The following AASS variants were observed in gnomAD, a reference collection of about 807,000 sequenced individuals.
AASS encodes aminoadipate-semialdehyde synthase.
A neutral mutation model predicts 105.4 loss-of-function variants in AASS; 86 were observed. That is an observed-to-expected ratio of 0.82 (90% CI 0.69 to 0.98). The LOEUF (loss-of-function observed/expected upper bound fraction) is 0.98, where lower values mean the gene tolerates loss of function less well. Ranked by LOEUF, AASS falls within the 50% of genes least tolerant of loss-of-function variation. The probability of loss-of-function intolerance (pLI) is 0.00; values close to 1 mark genes in which losing one functional copy is unlikely to be tolerated. For synonymous variants in AASS, 381 were observed against 394.8 expected (o/e 0.96, Z 0.41); for missense variants, 1,048 against 1,143.2 (o/e 0.92, Z 1.20).
rs1258728484 is a variant in AASS, at chr7:122,092,858, C to A, written c.1860G>T (p.Lys620Asn). The change falls in exon 17 of 24, where the codon AAG becomes AAT. Residue 620 changes from lysine (K) to asparagine (N), a missense_variant. Transcript: ENST00000417368. The stretch of plus-strand genomic sequence containing the variant: ...TTGGGCTCACCGTGGCTCCCACTTC[C>A]TTGGCTTTATCTATTGTTTCCATTG... Reference protein sequence around the residue: ...MLAMETIDKAKEVGATIESYI... With the variant: ...MLAMETIDKANEVGATIESYI... The A allele has an allele frequency of 6.2e-7, 1 of 1,613,900 alleles. No homozygotes were observed.
At chr7:122,104,105 G>A (rs774085049) in intron 11 of AASS, among the ~76,000 whole-genome samples, 2 of 151,946 alleles carry the variant, frequency 1.3e-5, no homozygotes, top group Non-Finnish European at 2.9e-5. Context: ...TAAGTCCTTG[G>A]CATATCAATA....
chr7:122,099,032 C>T (rs569420235), intron 13 of AASS, among the ~76,000 whole-genome samples, 166 bp from the exon 14 acceptor site: 5 of 151,622 alleles, frequency 3.3e-5, no homozygotes, highest in Non-Finnish European at 7.4e-5. Flanking sequence ...AATGAGTTCC[C>T]TATAACAACA....
At position 122,093,096 on chromosome 7, in the gene AASS, A is replaced by C; in HGVS notation, c.1718T>G (p.Met573Arg). 1 of 1,613,990 alleles carries C rather than the reference A, an allele frequency of 6.2e-7. No individual in the cohort carries two copies. The highest frequency in any genetic ancestry group is 1.1e-5 in the South Asian group (1 of 91,078). Residue 573 changes from methionine to arginine, a missense_variant, in exon 16 of 24, where the codon ATG becomes AGG. Physicochemically the swap from Met to Arg is moderately conservative, Grantham distance 91. Coordinates refer to ENST00000417368, the MANE Select transcript of AASS (RefSeq NM_005763.4). ...TGGTGTGATGTAGCTTGCAGTGACC[A>C]TGTTAACTTTGTTTGTGATGCAGGC... ...AKACITNKVN[M>R]VTASYITPAL... is the part of the protein sequence containing the mutation.
At chr7:122,117,080 G>C (rs531576041) in intron 6 of AASS, 123 bp from the exon 7 acceptor site, 1 of 853,384 alleles carries the variant, frequency 1.2e-6, no homozygotes, top group Non-Finnish European at 1.9e-6. Flanking sequence ...CTACAACCAG[G>C]ACTGCAACAC....
At position 122,098,559 on chromosome 7, in the gene AASS, G is replaced by T; in HGVS notation, c.1546C>A (p.Gln516Lys). The change falls in exon 15 of 24, where the codon CAA becomes AAA. Residue 516 changes from glutamine (Q) to lysine (K), a missense_variant. By Grantham distance (53) the Gln-to-Lys change is moderately conservative. Transcript: ENST00000417368. The stretch of plus-strand genomic sequence containing the variant: ...TATTTCTTGCCTAACTGTTCAATTT[G>T]ATTCTTCATGTCAGATCCTATTTCA... ...EITVGSDMKN[Q>K]IEQLGKKYNI... 2 of 1,608,698 alleles carry T rather than the reference G, an allele frequency of 1.2e-6. No individual in the cohort carries two copies. Among genetic ancestry groups the T allele is most frequent in the South Asian group, 1.1e-5 (1 of 90,852 alleles).
chr7:122,140,485 CAAAAAA>C (rs57828681), intron 1 of AASS, among the ~76,000 whole-genome samples: 11 of 37,336 alleles, frequency 2.9e-4, no homozygotes, highest in Admixed American at 7.7e-4. Flanking sequence ...GACTCAGTCT[CAAAAAA>C]AAAAAAAAAA....
chr7:122,109,328 A>G (rs567427032), intron 11 of AASS, among the ~76,000 whole-genome samples: 1 of 151,976 alleles, frequency 6.6e-6, no homozygotes, highest in African/African-American at 2.4e-5. Context: ...ATCACAAAAG[A>G]CCCCAAATCG....
intron 6 of AASS, 83 bp downstream of exon 6, chr7:122,118,224 A>C: frequency 7.3e-6 from 11 of 1,498,012 alleles, no homozygotes; most frequent in Non-Finnish European, 1.0e-5. Flanking sequence ...CATTTGAAAT[A>C]CCCACAAAAT....
chr7:122,113,824 A>G, intron 9 of AASS, 104 bp from the exon 10 acceptor site: 3 of 1,321,364 alleles, frequency 2.3e-6, no homozygotes, highest in Admixed American at 3.8e-5. Flanking sequence ...GATCCCAAAT[A>G]TTTTCCAGGC....
At chr7:122,112,981 G>GT in intron 11 of AASS, 137 bp downstream of exon 11, 1 of 740,036 alleles carries the variant, frequency 1.4e-6, no homozygotes. Flanking sequence ...AATAGTATCA[G>GT]TAAGTATTTC....
At chr7:122,117,262 T>C (rs1008121594) in intron 6 of AASS, among the ~76,000 whole-genome samples, 11 of 152,226 alleles carry the variant, frequency 7.2e-5, no homozygotes, top group Non-Finnish European at 1.6e-4. Context: ...TTAGATCCAT[T>C]GCAGAAATTA....
chr7:122,118,677 T>C (rs1247215848), intron 4 of AASS, 47 bp from the exon 5 acceptor site: 1 of 1,585,188 alleles, frequency 6.3e-7, no homozygotes, highest in South Asian at 1.1e-5. Context: ...TGGGAAGAAT[T>C]TAAGCTGTTC....
At chr7:122,131,602 C>T (rs1371153606) in intron 2 of AASS, among the ~76,000 whole-genome samples, 4 of 151,870 alleles carry the variant, frequency 2.6e-5, no homozygotes, top group Non-Finnish European at 4.4e-5. Context: ...TCAGTATTAA[C>T]TCATGATTAA....
chr7:122,101,564 A>C, intron 12 of AASS, 57 bp downstream of exon 12: 1 of 1,520,148 alleles, frequency 6.6e-7, no homozygotes, highest in Admixed American at 1.7e-5. Flanking sequence ...GAGAGAAGAG[A>C]GCAAAAATGG....
In AASS at chr7:122,116,968, C is replaced by T. The variant is rs1795211849; in HGVS notation, c.688-11G>A. On this transcript the variant is annotated splice_polypyrimidine_tract_variant and intron_variant, in intron 6 of 23. Transcript: ENST00000417368. Reference sequence around the variant, plus strand: ...GATTGCTTGGGCTCCCTACAAATAACACATGAGTAAAAATCCAAAAATCAA... The same window carrying T: ...GATTGCTTGGGCTCCCTACAAATAATACATGAGTAAAAATCCAAAAATCAA... 6.2e-7 allele frequency: 1 copy of T among 1,611,636 alleles called. No homozygotes were observed. The highest frequency in any genetic ancestry group is 1.3e-5 in the African/African-American group (1 of 75,004).
At chr7:122,124,148 C>T (rs1352530708) in intron 4 of AASS, among the ~76,000 whole-genome samples, 2 of 152,202 alleles carry the variant, frequency 1.3e-5, no homozygotes, top group Non-Finnish European at 2.9e-5. Flanking sequence ...GCTTTGCACA[C>T]TTGTACTGTC....
At chr7:122,126,201 C>G (rs1447059191) in intron 4 of AASS, among the ~76,000 whole-genome samples, 174 bp downstream of exon 4, 1 of 152,178 alleles carries the variant, frequency 6.6e-6, no homozygotes, top group Admixed American at 6.5e-5. Flanking sequence ...ATATTTTTAA[C>G]CATTTATCTT....
chr7:122,089,210 C>T (rs754313444), intron 18 of AASS, among the ~76,000 whole-genome samples: 23 of 152,018 alleles, frequency 1.5e-4, no homozygotes, highest in Non-Finnish European at 2.5e-4. Flanking sequence ...GCTTGAGAAA[C>T]AGACTGATAC....
At position 122,106,919 on chromosome 7, in the gene AASS, T is replaced by G. The variant is rs80217981; in HGVS notation, c.1279-5239A>C. Among the ~76,000 whole-genome samples, 514 of 151,132 alleles carry G rather than the reference T, an allele frequency of 3.4e-3. 3 individuals carry two copies. Among genetic ancestry groups the G allele is most frequent in the African/African-American group, 0.012 (491 of 41,206 alleles). On this transcript the variant is annotated intron_variant, in intron 11 of 23. Transcript: ENST00000417368. ...ATGGGATCTAATTAAACTAAGGGGG[T>G]TTTGCACAGCAAAAGAAACTATGAA...
Sources: allele counts gnomAD v4.1 joint callset (sites outside exome capture counted in the v4.1 genomes callset), GRCh38; gene constraint gnomAD v4.1.1; transcripts MANE v1.5; gene names NCBI Gene and HGNC (gene_info 2026-07-23, HGNC 2026-07-21).